Variants in ZNF644 observed in about 807,000 individuals in gnomAD.
ZNF644 encodes zinc finger motif enhancer binding protein 2.
Under a neutral mutation model 108.0 loss-of-function variants are expected in ZNF644, and 20 were observed. That is an observed-to-expected ratio of 0.19 (90% CI 0.13 to 0.27). The LOEUF is 0.27. Ranked by LOEUF, ZNF644 falls within the 10% of genes least tolerant of loss-of-function variation. The probability of loss-of-function intolerance (pLI) is 1.00; values close to 1 mark genes in which losing one functional copy is unlikely to be tolerated. For missense variants in ZNF644, 1,338 were observed against 1,548.9 expected, an observed-to-expected ratio of 0.86 and a Z score of 2.29; for synonymous variants, 542 against 539.1, an observed-to-expected ratio of 1.01 and a Z score of -0.08.
At chr1:90,999,740 G>A (rs1265713779) in intron 1 of ZNF644, among the ~76,000 whole-genome samples, 1 of 152,130 alleles carries the variant, frequency 6.6e-6, no homozygotes, top group Admixed American at 6.5e-5. Context: ...GACACAGACT[G>A]GCAAATTGGA....
rs199577043 is a variant in ZNF644, at chr1:91,013,484, T to C, written c.-18+8506A>G. 8.5e-3 allele frequency among the ~76,000 whole-genome samples: 897 copies of C among 104,986 alleles called. 4 individuals are homozygous for C. Among genetic ancestry groups the C allele is most frequent in the African/African-American group, 0.012 (339 of 28,100 alleles). The allele number at this position is 104,986 out of a possible 152,430, so 68.9% of individuals were successfully genotyped here. ...ACACACACACACACACACACACACA[T>C]ACACACACACACACACATATACACA... On this transcript the variant is annotated intron_variant, in intron 1 of 5. Coordinates refer to ENST00000337393, the MANE Select transcript of ZNF644 (RefSeq NM_201269.3).
chr1:91,006,922 T>C (rs1018217850), intron 1 of ZNF644, among the ~76,000 whole-genome samples: 3 of 152,198 alleles, frequency 2.0e-5, no homozygotes, highest in Non-Finnish European at 4.4e-5. Context: ...CCTCCCACAC[T>C]TGATAGCTTG....
chr1:90,964,665 C>A (rs559552608), intron 2 of ZNF644, among the ~76,000 whole-genome samples: 70 of 152,058 alleles, frequency 4.6e-4, no homozygotes, highest in Admixed American at 7.9e-4. Context: ...ATTCTTTTTC[C>A]AAAATACCAC....
intron 2 of ZNF644, among the ~76,000 whole-genome samples, chr1:90,952,076 G>A (rs1478698667): frequency 1.3e-5 from 2 of 151,982 alleles, no homozygotes; most frequent in Non-Finnish European, 2.9e-5. Flanking sequence ...CCCTCTCCCT[G>A]ACTCCCAGTC....
At chr1:90,951,247 GATA>G (rs1248721955) in intron 2 of ZNF644, among the ~76,000 whole-genome samples, 1 of 152,104 alleles carries the variant, frequency 6.6e-6, no homozygotes, top group Non-Finnish European at 1.5e-5. Flanking sequence ...GATCCATACA[GATA>G]ATGTCCCTCA....
intron 2 of ZNF644, among the ~76,000 whole-genome samples, chr1:90,977,762 T>G (rs1439842900): frequency 6.6e-6 from 1 of 152,182 alleles, no homozygotes; most frequent in African/African-American, 2.4e-5. Flanking sequence ...CTCCCGTTAA[T>G]ACCATCAAAA....
intron 2 of ZNF644, among the ~76,000 whole-genome samples, chr1:90,961,306 C>G (rs564736665): frequency 6.6e-6 from 1 of 152,242 alleles, no homozygotes; most frequent in Admixed American, 6.5e-5. Flanking sequence ...AATTATCAAT[C>G]TAATCTAATT....
Position 90,939,194 on chromosome 1 carries a change from C to T in ZNF644, c.2160G>A (p.Lys720=). 1 of 1,613,810 alleles carries T rather than the reference C, an allele frequency of 6.2e-7. No homozygotes were observed. Among genetic ancestry groups the T allele is most frequent in the South Asian group, 1.1e-5 (1 of 91,078 alleles). Residue 720 remains lysine (K), a synonymous_variant, in exon 3 of 6, where the codon AAG becomes AAA. Coordinates refer to ENST00000337393, the MANE Select transcript of ZNF644 (RefSeq NM_201269.3). ...TIKSSVDQKP[K]YFHQAAKEKS... ...TTTCTTTTGCTGCTTGATGGAAATA[C>T]TTAGGTTTTTGGTCAACGCTGCTTT...
chr1:90,978,731 A>G (rs1159902691), intron 2 of ZNF644, among the ~76,000 whole-genome samples: 2 of 152,160 alleles, frequency 1.3e-5, no homozygotes, highest in African/African-American at 2.4e-5. Context: ...AAATTAGTCT[A>G]AAGTCTTTGT....
rs1323820326 is a variant in ZNF644 at position 90,918,098 on chromosome 1, GCATTTT to G, written c.3739_3744del (p.Lys1247_Met1248del). ...TCGTCAGCACCATGAGGTAATGTTA[GCATTTT>G]CTTCTTGCTTCCAGATCTTGACCTT... On this transcript the variant is annotated inframe_deletion, in exon 5 of 6. Transcript: ENST00000337393. 1 of 1,614,072 alleles carries G rather than the reference GCATTTT, an allele frequency of 6.2e-7. No individual in the cohort carries two copies. The highest frequency in any genetic ancestry group is 8.5e-7 in the Non-Finnish European group (1 of 1,179,986).
At chr1:91,012,940 T>A (rs1660095247) in intron 1 of ZNF644, among the ~76,000 whole-genome samples, 2 of 152,356 alleles carry the variant, frequency 1.3e-5, no homozygotes, top group Non-Finnish European at 2.9e-5. Flanking sequence ...ATATTGTTAA[T>A]CACAGAACAT....
chr1:90,973,078 A>T (rs908311141), intron 2 of ZNF644: 1 of 152,126 alleles, frequency 6.6e-6, no homozygotes, highest in African/African-American at 2.4e-5. Flanking sequence ...CTGTACACTT[A>T]AAAATGGTTA....
rs564883820 is a variant in ZNF644 at position 91,013,871 on chromosome 1, T to C, written c.-18+8119A>G. Reference sequence around the variant, plus strand: ...GTTCAATCATGTTTATATGATGAAATAATAGTATTTAGATACTGGGTTAAA... The same window carrying C: ...GTTCAATCATGTTTATATGATGAAACAATAGTATTTAGATACTGGGTTAAA... On this transcript the variant is annotated intron_variant, in intron 1 of 5. Transcript: ENST00000337393. 2.0e-5 allele frequency among the ~76,000 whole-genome samples: 3 copies of C among 152,336 alleles called. No individual in the cohort carries two copies. The South Asian group carries it at 6.2e-4, about 32-fold the overall frequency.
intron 4 of ZNF644, among the ~76,000 whole-genome samples, chr1:90,928,055 A>G (rs1430813485): frequency 2.6e-5 from 4 of 151,372 alleles, no homozygotes; most frequent in African/African-American, 9.7e-5. Flanking sequence ...CATGTTGGCC[A>G]GGCTGGTCTC....
chr1:90,917,438 C>T (rs534036234), intron 5 of ZNF644, among the ~76,000 whole-genome samples: 1 of 152,208 alleles, frequency 6.6e-6, no homozygotes, highest in Non-Finnish European at 1.5e-5. Flanking sequence ...CTCAAGACAA[C>T]AAAACATCAA....
At chr1:90,937,415 A>G in intron 4 of ZNF644, 70 bp downstream of exon 4, 1 of 1,601,376 alleles carries the variant, frequency 6.2e-7, no homozygotes, top group Non-Finnish European at 8.5e-7. Flanking sequence ...TTCCACATAG[A>G]TTCCATTAAA....
At chr1:90,974,329 CA>C (rs879345498) in intron 2 of ZNF644, among the ~76,000 whole-genome samples, 2 of 145,746 alleles carry the variant, frequency 1.4e-5, no homozygotes, top group Admixed American at 6.9e-5. Flanking sequence ...ACTCTTGTCT[CA>C]AAAAAAAAAG....
chr1:91,007,023 T>C lies in ZNF644; in HGVS notation c.-18+14967A>G, dbSNP rs532381883. Among the ~76,000 whole-genome samples the C allele has an allele frequency of 1.4e-4, 22 of 152,214 alleles. No homozygotes were observed. In the South Asian group the frequency reaches 1.9e-3, roughly 13 times the overall value. ...ACTGATTACTTTCCAATGCTACCTA[T>C]TTCTAATCCCTTCTTTGTGCTCCAT... On this transcript the variant is annotated intron_variant, in intron 1 of 5. Coordinates refer to ENST00000337393, the MANE Select transcript of ZNF644 (RefSeq NM_201269.3).
chr1:90,941,123 T>A lies in ZNF644; in HGVS notation c.231A>T (p.Glu77Asp), dbSNP rs774467901. The A allele has an allele frequency of 6.2e-7, 1 of 1,613,948 alleles. No homozygotes were observed. Residue 77 changes from glutamate to aspartate, a missense_variant, in exon 3 of 6, where the codon GAA (glutamate) becomes GAT (aspartate). Transcript: ENST00000337393. ...CGTTTTCAGATTTGTCCTTTGACAGTTCTTCAGGCAGAGTCAACGTATTAT... is the reference window on the plus strand; with the variant it reads ...CGTTTTCAGATTTGTCCTTTGACAGATCTTCAGGCAGAGTCAACGTATTAT... ...QKNNTLTLPE[E>D]LSKDKSENAL... is the part of the protein sequence containing the mutation.
Sources: allele counts gnomAD v4.1 joint callset (sites outside exome capture counted in the v4.1 genomes callset), GRCh38; gene constraint gnomAD v4.1.1; transcripts MANE v1.5; gene names NCBI Gene and HGNC (gene_info 2026-07-23, HGNC 2026-07-21).